Variants in ST8SIA1 observed in about 807,000 individuals in gnomAD.
ST8SIA1 encodes the protein ST8 alpha-N-acetyl-neuraminide alpha-2,8-sialyltransferase 1, also known as alpha-N-acetylneuraminide alpha-2,8-sialyltransferase.
A neutral mutation model predicts 35.9 loss-of-function variants in ST8SIA1; 16 were observed. The ratio of observed to expected loss-of-function variants is 0.45; its 90% CI spans 0.30 to 0.68. The LOEUF is 0.68. Ranked by LOEUF, ST8SIA1 falls within the 30% of genes least tolerant of loss-of-function variation. The probability of loss-of-function intolerance (pLI) is 0.09; values close to 1 mark genes in which losing one functional copy is unlikely to be tolerated. For synonymous variants in ST8SIA1, 170 were observed against 169.6 expected (o/e 1.00, Z -0.02); for missense variants, 383 against 453.6 (o/e 0.84, Z 1.41).
rs57886357 is a variant in ST8SIA1 at position 22,239,476 on chromosome 12, T to C, written c.584+9530A>G. On this transcript the variant is annotated intron_variant, in intron 4 of 4. Transcript: ENST00000396037. ...TTTGATGTCTTTCCATTTCAACAAT[T>C]ATATTTTTCATTTCTAAAAGTTCAA... 2.8e-3 allele frequency among the ~76,000 whole-genome samples: 419 copies of C among 152,324 alleles called. 1 individual carries two copies. The highest frequency in any genetic ancestry group is 9.1e-3 in the African/African-American group (377 of 41,578).
rs374539348 is a variant in ST8SIA1, at chr12:22,249,367, T to C, written c.492-269A>G. 2.4e-3 allele frequency among the ~76,000 whole-genome samples: 361 copies of C among 151,982 alleles called. 1 individual carries two copies. The highest frequency in any genetic ancestry group is 4.7e-3 in the African/African-American group (195 of 41,488). Reference sequence around the variant, plus strand: ...CCGAGTAGCTGGGACTACAGGCACCTGCCACCACACCCGGCTAATTTTTTT... The same window carrying C: ...CCGAGTAGCTGGGACTACAGGCACCCGCCACCACACCCGGCTAATTTTTTT... On this transcript the variant is annotated intron_variant, in intron 3 of 4. Transcript: ENST00000396037.
intron 2 of ST8SIA1, among the ~76,000 whole-genome samples, chr12:22,257,706 A>T (rs1463233736): frequency 2.0e-5 from 3 of 152,016 alleles, no homozygotes; most frequent in African/African-American, 7.3e-5. Flanking sequence ...CTGGAGATGA[A>T]GAAGCGAGGC....
intron 1 of ST8SIA1, 130 bp downstream of exon 1, chr12:22,333,867 A>C: frequency 1.1e-6 from 1 of 879,346 alleles, no homozygotes; most frequent in Non-Finnish European, 1.9e-6. Context: ...ATGGAGGGAA[A>C]GGACATGGAA....
intron 2 of ST8SIA1, chr12:22,286,478 C>G (rs749762185): frequency 3.9e-6 from 2 of 518,668 alleles, no homozygotes; most frequent in Non-Finnish European, 7.7e-6. Flanking sequence ...TGAATTTTTC[C>G]CTAATTGCAA....
chr12:22,268,064 C>G (rs1218322048), intron 2 of ST8SIA1, among the ~76,000 whole-genome samples: 2 of 152,148 alleles, frequency 1.3e-5, no homozygotes, highest in Non-Finnish European at 2.9e-5. Flanking sequence ...TCCACAACAG[C>G]GAATAAGCCC....
chr12:22,255,087 T>C (rs1230626085), intron 3 of ST8SIA1, among the ~76,000 whole-genome samples, 193 bp downstream of exon 3: 3 of 152,134 alleles, frequency 2.0e-5, no homozygotes, highest in Non-Finnish European at 4.4e-5. Flanking sequence ...GGCTTTGTCC[T>C]TTCTCGGGGC....
chr12:22,311,396 A>G (rs899654977), intron 1 of ST8SIA1, among the ~76,000 whole-genome samples: 23 of 152,252 alleles, frequency 1.5e-4, no homozygotes, highest in African/African-American at 5.5e-4. Context: ...TAAACTGAGA[A>G]TCGAAGGACT....
At chr12:22,320,159 T>G (rs1009691974) in intron 1 of ST8SIA1, among the ~76,000 whole-genome samples, 1 of 152,218 alleles carries the variant, frequency 6.6e-6, no homozygotes, top group Non-Finnish European at 1.5e-5. Flanking sequence ...CAAAGCTATG[T>G]ACATCTATAA....
intron 1 of ST8SIA1, among the ~76,000 whole-genome samples, chr12:22,332,716 AT>A (rs1866783717): frequency 6.6e-6 from 1 of 152,332 alleles, no homozygotes; most frequent in Admixed American, 6.5e-5. Flanking sequence ...TGGCTCTGTT[AT>A]CTTTTTAATC....
chr12:22,268,215 T>C (rs999825631), intron 2 of ST8SIA1, among the ~76,000 whole-genome samples: 1 of 152,206 alleles, frequency 6.6e-6, no homozygotes, highest in African/African-American at 2.4e-5. Flanking sequence ...TCTAAGCAAA[T>C]GCAGCAAACC....
At chr12:22,327,522 G>T (rs1355153903) in intron 1 of ST8SIA1, among the ~76,000 whole-genome samples, 1 of 152,144 alleles carries the variant, frequency 6.6e-6, no homozygotes, top group Non-Finnish European at 1.5e-5. Context: ...GTAGAGTTGG[G>T]TCATTTGGGC....
chr12:22,309,581 T>C (rs952811533), intron 1 of ST8SIA1, among the ~76,000 whole-genome samples: 3 of 152,196 alleles, frequency 2.0e-5, no homozygotes, highest in African/African-American at 7.2e-5. Flanking sequence ...ATTGAATATG[T>C]AGATTTGGCC....
intron 1 of ST8SIA1, among the ~76,000 whole-genome samples, chr12:22,330,722 C>A (rs1866751670): frequency 6.6e-6 from 1 of 152,162 alleles, no homozygotes; most frequent in Admixed American, 6.5e-5. Flanking sequence ...TAGTGTCAGG[C>A]AGATAATAAG....
At chr12:22,235,916 G>A (rs76093490) in intron 4 of ST8SIA1, among the ~76,000 whole-genome samples, 2 of 127,344 alleles carry the variant, frequency 1.6e-5, no homozygotes, top group African/African-American at 2.8e-5. Context: ...ACACACACAC[G>A]TGCACATACA....
At chr12:22,268,470 G>A (rs1408556460) in intron 2 of ST8SIA1, 1 of 152,228 alleles carries the variant, frequency 6.6e-6, no homozygotes, top group Non-Finnish European at 1.5e-5. Context: ...AGACATACCT[G>A]AGAGTGGGTA....
chr12:22,249,513 C>T (rs565395274), intron 3 of ST8SIA1, among the ~76,000 whole-genome samples: 1 of 152,118 alleles, frequency 6.6e-6, no homozygotes, highest in South Asian at 2.1e-4. Flanking sequence ...AGCCACTGCA[C>T]CCAGCCAGTA....
chr12:22,245,542 T>C (rs1393501737), intron 4 of ST8SIA1, among the ~76,000 whole-genome samples: 1 of 152,216 alleles, frequency 6.6e-6, no homozygotes, highest in East Asian at 1.9e-4. Context: ...TGTCTCCTTG[T>C]GCAACACATG....
chr12:22,313,256 A>C (rs188536411), intron 1 of ST8SIA1, among the ~76,000 whole-genome samples: 157 of 152,320 alleles, frequency 1.0e-3, no homozygotes, highest in African/African-American at 3.2e-3. Flanking sequence ...GGAAACTGTC[A>C]CATTTCTCAA....
intron 2 of ST8SIA1, among the ~76,000 whole-genome samples, chr12:22,280,106 C>T (rs1164200822): frequency 6.6e-6 from 1 of 152,118 alleles, no homozygotes; most frequent in East Asian, 1.9e-4. Flanking sequence ...TGATACCTCT[C>T]TATAAGTTAA....
Sources: allele counts gnomAD v4.1 joint callset (sites outside exome capture counted in the v4.1 genomes callset), GRCh38; gene constraint gnomAD v4.1.1; transcripts MANE v1.5; gene names NCBI Gene and HGNC (gene_info 2026-07-23, HGNC 2026-07-21).